DIP2C: variants seen among roughly 807,000 people sequenced by gnomAD.
DIP2C encodes the protein disco-interacting protein 2 homolog C.
In DIP2C, 33 loss-of-function variants were observed where a neutral mutation model predicts 192.4. The ratio of observed to expected loss-of-function variants is 0.17; its 90% CI spans 0.13 to 0.23. The LOEUF (loss-of-function observed/expected upper bound fraction) is 0.23, where lower values mean the gene tolerates loss of function less well. Among genes scored for constraint, DIP2C ranks in the 10% least tolerant of loss-of-function variants. The pLI, the probability that DIP2C is intolerant of heterozygous loss-of-function variation, is 1.00. For missense variants in DIP2C, 1,537 were observed against 2,110.1 expected (o/e 0.73, Z 5.32); for synonymous variants, 979 against 864.1 (o/e 1.13, Z -2.33).
At chr10:583,334 AT>A (rs965472504) in intron 1 of DIP2C, among the ~76,000 whole-genome samples, 1 of 152,196 alleles carries the variant, frequency 6.6e-6, no homozygotes, top group Non-Finnish European at 1.5e-5. Flanking sequence ...AGTTGGGAAC[AT>A]TTTTTTAAAA....
chr10:597,771 AAG>A (rs1489163653), intron 1 of DIP2C, among the ~76,000 whole-genome samples: 1 of 152,174 alleles, frequency 6.6e-6, no homozygotes, highest in African/African-American at 2.4e-5. Flanking sequence ...CTTGAGGTTA[AAG>A]AGAATAACGT....
chr10:464,184 AAAC>A (rs1275931100), intron 3 of DIP2C, among the ~76,000 whole-genome samples: 1 of 152,204 alleles, frequency 6.6e-6, no homozygotes, highest in Non-Finnish European at 1.5e-5. Flanking sequence ...ACAGCAAAAT[AAAC>A]TACCATCAGA....
At chr10:362,797 T>C in intron 21 of DIP2C, 106 bp from the exon 22 acceptor site, 1 of 1,237,146 alleles carries the variant, frequency 8.1e-7, no homozygotes, top group East Asian at 2.5e-5. Context: ...CTGTGCAGTA[T>C]AAGCACTGTT....
intron 1 of DIP2C, among the ~76,000 whole-genome samples, chr10:619,565 A>G (rs577355319): frequency 1.1e-4 from 2 of 18,270 alleles, no homozygotes; most frequent in Non-Finnish European, 2.6e-4. Context: ...CTCCTCACGC[A>G]CTCCCGTGCG....
intron 24 of DIP2C, among the ~76,000 whole-genome samples, chr10:353,832 G>A (rs563197711): frequency 6.6e-6 from 1 of 152,338 alleles, no homozygotes; most frequent in South Asian, 2.1e-4. Flanking sequence ...ATTCATCACT[G>A]GAACGAATTT....
chr10:395,720 G>A (rs1963935518), intron 10 of DIP2C, among the ~76,000 whole-genome samples: 3 of 152,188 alleles, frequency 2.0e-5, no homozygotes, highest in South Asian at 2.1e-4. Context: ...TTCTGAGAGG[G>A]GTTTTGGTGC....
intron 1 of DIP2C, among the ~76,000 whole-genome samples, chr10:593,533 C>T (rs1851528364): frequency 7.3e-6 from 1 of 136,182 alleles, no homozygotes; most frequent in Admixed American, 7.7e-5. Flanking sequence ...CGATCATCTC[C>T]TCGTGGAAGG....
chr10:657,192 G>A (rs1380308718), intron 1 of DIP2C, among the ~76,000 whole-genome samples: 1 of 124,320 alleles, frequency 8.0e-6, no homozygotes, highest in Admixed American at 8.3e-5. Context: ...TGGACCTGAT[G>A]CTGGACCTGC....
intron 2 of DIP2C, among the ~76,000 whole-genome samples, chr10:473,316 GAAC>G (rs1232576494): frequency 2.0e-5 from 3 of 152,158 alleles, no homozygotes; most frequent in Non-Finnish European, 4.4e-5. Flanking sequence ...GTTCCACGAA[GAAC>G]TACTCTGACA....
At chr10:378,170 G>A (rs140497197) in intron 17 of DIP2C, among the ~76,000 whole-genome samples, 45 of 152,218 alleles carry the variant, frequency 3.0e-4, no homozygotes, top group African/African-American at 7.0e-4. Context: ...AACTAACATC[G>A]GGAGAAAAGA....
chr10:577,352 G>A (rs749219692), intron 1 of DIP2C, among the ~76,000 whole-genome samples: 4 of 152,220 alleles, frequency 2.6e-5, no homozygotes, highest in Admixed American at 6.5e-5. Context: ...TAGAAATAAA[G>A]GCAAAAATAA....
At chr10:682,903 A>C (rs1831183072) in intron 1 of DIP2C, among the ~76,000 whole-genome samples, 1 of 152,208 alleles carries the variant, frequency 6.6e-6, no homozygotes, top group African/African-American at 2.4e-5. Context: ...AATGATTTAA[A>C]ACCAGGAGCC....
chr10:459,020 T>C (rs1969535657), intron 3 of DIP2C, among the ~76,000 whole-genome samples: 1 of 147,052 alleles, frequency 6.8e-6, no homozygotes, highest in African/African-American at 2.5e-5. Context: ...GCTTTAAAAA[T>C]CTAACAATAG....
intron 1 of DIP2C, among the ~76,000 whole-genome samples, chr10:661,474 G>A (rs1362463627): frequency 1.3e-5 from 2 of 152,178 alleles, no homozygotes; most frequent in African/African-American, 4.8e-5. Context: ...CCAGGCTCTG[G>A]CTGCTCCCAG....
At chr10:312,745 C>G (rs989943895) in intron 31 of DIP2C, among the ~76,000 whole-genome samples, 1 of 152,138 alleles carries the variant, frequency 6.6e-6, no homozygotes, top group Non-Finnish European at 1.5e-5. Flanking sequence ...TAAAGTAACT[C>G]GCCAATAAAG....
intron 4 of DIP2C, among the ~76,000 whole-genome samples, chr10:435,640 G>A (rs901408620): frequency 4.6e-5 from 7 of 152,158 alleles, no homozygotes; most frequent in African/African-American, 1.7e-4. Flanking sequence ...CATGTCTCTT[G>A]CAGGTTTAAG....
chr10:481,179 GGAAT>G (rs1843579718), intron 2 of DIP2C, among the ~76,000 whole-genome samples: 1 of 152,222 alleles, frequency 6.6e-6, no homozygotes, highest in African/African-American at 2.4e-5. Flanking sequence ...GCTGACACGA[GGAAT>G]CAGAACAACC....
chr10:487,849 T>C (rs372661866), intron 1 of DIP2C, among the ~76,000 whole-genome samples: 6 of 152,286 alleles, frequency 3.9e-5, no homozygotes, highest in East Asian at 3.9e-4. Context: ...GTGCTGAGAT[T>C]ACAGGCGTGA....
At chr10:655,104 G>A (rs115294718) in intron 1 of DIP2C, among the ~76,000 whole-genome samples, 1,671 of 152,196 alleles carry the variant, frequency 0.011, 26 homozygotes, top group African/African-American at 0.038. Flanking sequence ...CCATACACAT[G>A]GGGGAATGGG....
Sources: allele counts gnomAD v4.1 joint callset (sites outside exome capture counted in the v4.1 genomes callset), GRCh38; gene constraint gnomAD v4.1.1; transcripts MANE v1.5; gene names NCBI Gene and HGNC (gene_info 2026-07-23, HGNC 2026-07-21).